The following CCDC85A variants were observed in gnomAD, a reference collection of about 807,000 sequenced individuals.
CCDC85A encodes coiled-coil domain containing 85A.
In CCDC85A, 38 loss-of-function variants were observed where a neutral mutation model predicts 50.2. The ratio of observed to expected loss-of-function variants is 0.76; its 90% CI spans 0.58 to 0.99. The LOEUF (loss-of-function observed/expected upper bound fraction) is 0.99. Among genes scored for constraint, CCDC85A ranks in the 50% least tolerant of loss-of-function variants. CCDC85A has a pLI of 0.00. For missense variants in CCDC85A, 820 were observed against 742.0 expected, an observed-to-expected ratio of 1.11 and a Z score of -1.22; for synonymous variants, 366 against 301.4, an observed-to-expected ratio of 1.21 and a Z score of -2.22.
chr2:56,327,711 C>T (rs897451834), intron 2 of CCDC85A, among the ~76,000 whole-genome samples: 40 of 148,494 alleles, frequency 2.7e-4, no homozygotes, highest in Admixed American at 2.3e-3. Flanking sequence ...TGTAGGAATA[C>T]ATGGAATAAA....
chr2:56,321,692 A>T (rs1373990891), intron 2 of CCDC85A, among the ~76,000 whole-genome samples: 1 of 152,238 alleles, frequency 6.6e-6, no homozygotes, highest in Non-Finnish European at 1.5e-5. Flanking sequence ...ACGAAGAACC[A>T]ATATTGTGAA....
intron 2 of CCDC85A, among the ~76,000 whole-genome samples, chr2:56,268,828 C>G (rs72923465): frequency 2.0e-5 from 3 of 151,868 alleles, no homozygotes; most frequent in African/African-American, 7.3e-5. Context: ...CTAATATATT[C>G]TATAGAGAGA....
intron 2 of CCDC85A, among the ~76,000 whole-genome samples, chr2:56,194,822 C>T (rs932046673): frequency 6.6e-6 from 1 of 152,168 alleles, no homozygotes; most frequent in Non-Finnish European, 1.5e-5. Flanking sequence ...CAAGGTTGAA[C>T]CTTCACTCAC....
At chr2:56,376,386 A>G (rs564749022) in intron 5 of CCDC85A, among the ~76,000 whole-genome samples, 27 of 152,314 alleles carry the variant, frequency 1.8e-4, no homozygotes, top group African/African-American at 6.5e-4. Flanking sequence ...TGAAATAAAT[A>G]AAAACCTACT....
chr2:56,362,294 GT>G (rs990038212), intron 3 of CCDC85A, among the ~76,000 whole-genome samples: 2 of 152,062 alleles, frequency 1.3e-5, no homozygotes, highest in Admixed American at 6.5e-5. Context: ...GGGGAATCAA[GT>G]TCTATTTTGG....
intron 2 of CCDC85A, among the ~76,000 whole-genome samples, chr2:56,235,626 G>A (rs919801312): frequency 5.9e-5 from 9 of 152,106 alleles, no homozygotes; most frequent in African/African-American, 2.2e-4. Flanking sequence ...GCTGAGCACA[G>A]GCATCAGTGT....
intron 2 of CCDC85A, among the ~76,000 whole-genome samples, chr2:56,259,428 G>A (rs1202716411): frequency 6.6e-6 from 1 of 152,114 alleles, no homozygotes; most frequent in African/African-American, 2.4e-5. Context: ...CCCTCGCTGG[G>A]CTCAGGCCTC....
chr2:56,317,829 C>A (rs1484863041), intron 2 of CCDC85A, among the ~76,000 whole-genome samples: 1 of 152,056 alleles, frequency 6.6e-6, no homozygotes, highest in African/African-American at 2.4e-5. Context: ...TCCACACCAC[C>A]TCCATTCTCA....
intron 5 of CCDC85A, among the ~76,000 whole-genome samples, chr2:56,382,132 A>C (rs569990755): frequency 6.6e-6 from 1 of 152,212 alleles, no homozygotes; most frequent in African/African-American, 2.4e-5. Flanking sequence ...TTATATGATC[A>C]AAAACACATA....
At chr2:56,242,325 G>C (rs533019297) in intron 2 of CCDC85A, among the ~76,000 whole-genome samples, 2 of 152,242 alleles carry the variant, frequency 1.3e-5, no homozygotes, top group Admixed American at 6.5e-5. Context: ...ATTGGCTCAT[G>C]GTTCTGCAGG....
At chr2:56,203,512 G>C (rs1352526853) in intron 2 of CCDC85A, among the ~76,000 whole-genome samples, 1 of 151,948 alleles carries the variant, frequency 6.6e-6, no homozygotes, top group Admixed American at 6.6e-5. Context: ...TGCCCACTTT[G>C]GGGCTTATTG....
At chr2:56,351,969 G>C (rs1314761610) in intron 3 of CCDC85A, among the ~76,000 whole-genome samples, 1 of 151,968 alleles carries the variant, frequency 6.6e-6, no homozygotes, top group East Asian at 1.9e-4. Context: ...TTTCTTCTAG[G>C]GTTTTTATGG....
At chr2:56,200,460 G>A (rs780680121) in intron 2 of CCDC85A, among the ~76,000 whole-genome samples, 1 of 152,192 alleles carries the variant, frequency 6.6e-6, no homozygotes, top group Non-Finnish European at 1.5e-5. Flanking sequence ...GGACACTTGA[G>A]GATACAGACA....
intron 2 of CCDC85A, among the ~76,000 whole-genome samples, chr2:56,337,666 T>G (rs1479942750): frequency 6.6e-6 from 1 of 152,234 alleles, no homozygotes; most frequent in Non-Finnish European, 1.5e-5. Flanking sequence ...CTGCCAATGT[T>G]GATTTTTTTC....
chr2:56,279,378 C>T (rs969279810), intron 2 of CCDC85A, among the ~76,000 whole-genome samples: 1 of 151,940 alleles, frequency 6.6e-6, no homozygotes, highest in African/African-American at 2.4e-5. Context: ...TTCATAACCC[C>T]CCAAAGAACC....
intron 2 of CCDC85A, 139 bp from the exon 3 acceptor site, chr2:56,342,740 G>T: frequency 7.8e-6 from 4 of 512,054 alleles, no homozygotes; most frequent in South Asian, 2.8e-5. Flanking sequence ...TATTTTTCTG[G>T]GAGATATTTT....
rs1240914175 is a variant in CCDC85A at position 56,371,730 on chromosome 2, T to A, written c.1318-614T>A. Among the ~76,000 whole-genome samples, 4 of 152,072 alleles carry A rather than the reference T, an allele frequency of 2.6e-5. No homozygotes were observed. In the East Asian group the frequency reaches 7.7e-4, roughly 29 times the overall value. On this transcript the variant is annotated intron_variant, in intron 3 of 5. Transcript: ENST00000407595. ...TCTAGTTCTAATAAATACATAAAAA[T>A]TTAGTTAACTTATGAATACAAAGTT...
intron 2 of CCDC85A, among the ~76,000 whole-genome samples, chr2:56,212,899 C>T (rs1274658276): frequency 2.0e-5 from 3 of 151,958 alleles, no homozygotes; most frequent in Non-Finnish European, 4.4e-5. Flanking sequence ...GTGTAGGTAG[C>T]AGTTAATAGT....
chr2:56,329,945 GTTTTTTTTTTTTTTTTTTTTTT>G (rs535050957), intron 2 of CCDC85A, among the ~76,000 whole-genome samples: 8 of 44,162 alleles, frequency 1.8e-4, no homozygotes, highest in Non-Finnish European at 3.4e-4. Context: ...CAGATTTCCT[GTTTTTTTTTTTTTTTTTTTTTT>G]TTTTTTTTTT....
Sources: gnomAD v4.1 joint callset for allele counts (sites outside exome capture counted in the v4.1 genomes callset) on GRCh38, gnomAD v4.1.1 for gene constraint, MANE v1.5 for transcripts, NCBI Gene and HGNC (gene_info 2026-07-23, HGNC 2026-07-21) for gene names.